The following SDK2 variants were observed in gnomAD, a reference collection of about 807,000 sequenced individuals.
SDK2 encodes the protein protein sidekick-2.
Under a neutral mutation model 253.9 loss-of-function variants are expected in SDK2, and 105 were observed. That is an observed-to-expected ratio of 0.41 (90% CI 0.35 to 0.49). The LOEUF (loss-of-function observed/expected upper bound fraction) is 0.49. Among genes scored for constraint, SDK2 ranks in the 20% least tolerant of loss-of-function variants. The probability of loss-of-function intolerance (pLI) is 0.06; values close to 1 mark genes in which losing one functional copy is unlikely to be tolerated. For missense variants in SDK2, 2,608 were observed against 3,003.0 expected, an observed-to-expected ratio of 0.87 and a Z score of 3.07; for synonymous variants, 1,249 against 1,234.9, an observed-to-expected ratio of 1.01 and a Z score of -0.24.
chr17:73,452,052 C>A (rs2063494124), intron 4 of SDK2, among the ~76,000 whole-genome samples: 2 of 152,142 alleles, frequency 1.3e-5, no homozygotes, highest in Middle Eastern at 3.4e-3. Context: ...TCCTGTTAAT[C>A]CAGGCCATTT....
chr17:73,633,772 A>T (rs998568232), intron 1 of SDK2, among the ~76,000 whole-genome samples: 1 of 152,242 alleles, frequency 6.6e-6, no homozygotes, highest in Non-Finnish European at 1.5e-5. Context: ...CAAAGTGCCC[A>T]GCGAGACATC....
Position 73,438,698 on chromosome 17 carries a change from G to A in SDK2, c.726-544C>T, listed in dbSNP as rs372140446. 1.3e-4 allele frequency among the ~76,000 whole-genome samples: 20 copies of A among 152,274 alleles called. 1 individual carries two copies. In the East Asian group the frequency reaches 3.5e-3, roughly 26 times the overall value. ...AACTGCAAGAGAAGAGCAAGGGTGT[G>A]AGTCTGGCCTGGCTTTCCACCATCA... On this transcript the variant is annotated intron_variant, in intron 6 of 44. Transcript: ENST00000392650.
At chr17:73,356,481 AT>A (rs2062593138) in intron 40 of SDK2, among the ~76,000 whole-genome samples, 1 of 152,166 alleles carries the variant, frequency 6.6e-6, no homozygotes, top group African/African-American at 2.4e-5. Flanking sequence ...CTCCTGGCTT[AT>A]AGAAAGGGGG....
In SDK2 at chr17:73,361,819, C is replaced by A; in HGVS notation, c.5332G>T (p.Val1778Leu). The stretch of plus-strand genomic sequence containing the variant: ...AGCCACAGGGGGCTGTTCCCCTTCA[C>A]GTCCACGGTCACGATCTTGCTGACT... ...DGVSKIVTVD[V>L]KGNSPLWLKV... Residue 1778 changes from valine (V) to leucine (L), a missense_variant, in exon 39 of 45, where the codon GTG becomes TTG. By Grantham distance (32) the Val-to-Leu change is conservative (BLOSUM62 1). This residue lies in a region of SDK2 where 1,103 missense variants were observed against 1,143.9 expected (regional missense o/e 0.96). Coordinates refer to ENST00000392650, the MANE Select transcript of SDK2 (RefSeq NM_001144952.2). This position sits in a 1 kb window ranked among gnomAD's most constrained non-coding sequence, Gnocchi z 4.1. The A allele has an allele frequency of 6.2e-7, 1 of 1,602,958 alleles. No individual in the cohort carries two copies. Among genetic ancestry groups the A allele is most frequent in the South Asian group, 1.1e-5 (1 of 89,014 alleles).
intron 2 of SDK2, among the ~76,000 whole-genome samples, chr17:73,478,172 G>A (rs1013377254): frequency 3.3e-5 from 5 of 152,192 alleles, no homozygotes; most frequent in Admixed American, 2.6e-4. Flanking sequence ...AAGCAAATAC[G>A]CATTTAGAAT....
Position 73,361,941 on chromosome 17 carries a change from G to T in SDK2, c.5306-96C>A, listed in dbSNP as rs1458039962. 15 of 1,271,580 alleles carry T rather than the reference G, an allele frequency of 1.2e-5. No individual in the cohort carries two copies. In the Admixed American group the frequency reaches 3.8e-4, roughly 32 times the overall value. 78.8% of individuals were successfully genotyped at this position (1,271,580 alleles called of 1,614,324 possible). On this transcript the variant is annotated intron_variant, in intron 38 of 44. Transcript: ENST00000392650. This position sits in a 1 kb window ranked among gnomAD's most constrained non-coding sequence, Gnocchi z 4.1. ...GAAGCGGCCGTGGCCTGGGCCCCGG[G>T]ACCCTGGGTAGGGGCCTCACTCCTT... is the stretch of plus-strand genomic sequence containing the variant.
At chr17:73,393,313 T>G (rs1361149074) in intron 27 of SDK2, among the ~76,000 whole-genome samples, 1 of 151,980 alleles carries the variant, frequency 6.6e-6, no homozygotes, top group Non-Finnish European at 1.5e-5. Context: ...ATGCTTGTTT[T>G]GCAGAGAGAC....
At chr17:73,622,980 C>T (rs1184571394) in intron 1 of SDK2, among the ~76,000 whole-genome samples, 1 of 152,228 alleles carries the variant, frequency 6.6e-6, no homozygotes, top group Non-Finnish European at 1.5e-5. Context: ...TAGGCCTCGG[C>T]CAGCCCTTGC....
At chr17:73,560,415 A>G (rs1567843355) in intron 1 of SDK2, among the ~76,000 whole-genome samples, 1 of 152,306 alleles carries the variant, frequency 6.6e-6, no homozygotes, top group East Asian at 1.9e-4. Flanking sequence ...ATCTTGGCTT[A>G]CTGCAACCTC....
Position 73,437,954 on chromosome 17 carries a change from CCT to C in SDK2, c.916+8_916+9del, listed in dbSNP as rs778840721. ...CTCAGGGGAGCCCTAGCAGCCCCAC[CCT>C]CTCTCACCCAGCACTGAGAGGTAGG... On this transcript the variant is annotated splice_region_variant and intron_variant, in intron 7 of 44. Transcript: ENST00000392650. The C allele has an allele frequency of 6.4e-7, 1 of 1,552,804 alleles. No homozygotes were observed. Among genetic ancestry groups the C allele is most frequent in the South Asian group, 1.2e-5 (1 of 84,736 alleles).
rs2291847 is a variant in SDK2 at position 73,398,304 on chromosome 17, G to A, written c.3203+16C>T. ...GCCCTGAGGCTGCTGCCTTCTCCCC[G>A]GGCCAGTCTCATTACCTGTAGCAGG... On this transcript the variant is annotated intron_variant, in intron 23 of 44. Coordinates refer to ENST00000392650, the MANE Select transcript of SDK2 (RefSeq NM_001144952.2). The A allele has an allele frequency of 0.054, 86,982 of 1,605,222 alleles. 2,937 individuals are homozygous for A. Among genetic ancestry groups the A allele is most frequent in the East Asian group, 0.12 (5,458 of 44,754 alleles).
intron 8 of SDK2, among the ~76,000 whole-genome samples, chr17:73,437,100 A>G (rs978473423): frequency 3.3e-5 from 5 of 152,296 alleles, no homozygotes; most frequent in South Asian, 2.1e-4. Flanking sequence ...AAGGGAAGTC[A>G]TTACTCATCC....
In SDK2 at chr17:73,435,070, G is replaced by C. The variant is rs1335187987; in HGVS notation, c.1195+380C>G. Among the ~76,000 whole-genome samples the C allele has an allele frequency of 6.6e-6, 1 of 152,198 alleles. No homozygotes were observed. Among genetic ancestry groups the C allele is most frequent in the Non-Finnish European group, 1.5e-5 (1 of 68,042 alleles). On this transcript the variant is annotated intron_variant, in intron 9 of 44. Coordinates refer to ENST00000392650, the MANE Select transcript of SDK2 (RefSeq NM_001144952.2). This position sits in a 1 kb window ranked among gnomAD's most constrained non-coding sequence, Gnocchi z 5.7. Reference sequence around the variant, plus strand: ...AGAAAAACACCAGTTTTCTTCTTTGGAAACATGAGCAGGTCTTCTGGAATG... The same window carrying C: ...AGAAAAACACCAGTTTTCTTCTTTGCAAACATGAGCAGGTCTTCTGGAATG...
chr17:73,381,881 A>C (rs190029856), intron 33 of SDK2, among the ~76,000 whole-genome samples: 344 of 151,182 alleles, frequency 2.3e-3, no homozygotes, highest in African/African-American at 7.9e-3. Context: ...GTGACAGAGC[A>C]AGACTCTGTC....
rs146088947 is a variant in SDK2, at chr17:73,383,968, C to T, written c.4613G>A (p.Arg1538Gln). The change falls in exon 33 of 45, where the codon CGG becomes CAG. Residue 1538 changes from arginine to glutamine, a missense_variant. Coordinates refer to ENST00000392650, the MANE Select transcript of SDK2 (RefSeq NM_001144952.2). The surrounding 1 kb of genome is among the most constrained non-coding windows in gnomAD (Gnocchi z 4.3). ...ATAGAGCAGCTCCCGGTATCGGATC[C>T]GGAAGCCCAGGAGGATGCCATTGAT... ...DKINGILLGF[R>Q]IRYRELLYEG... The T allele has an allele frequency of 2.9e-5, 46 of 1,613,784 alleles. No individual in the cohort carries two copies. The highest frequency in any genetic ancestry group is 3.3e-4 in the Middle Eastern group (2 of 6,084).
intron 44 of SDK2, among the ~76,000 whole-genome samples, chr17:73,346,845 T>C (rs1002308996): frequency 6.6e-6 from 1 of 152,166 alleles, no homozygotes; most frequent in Non-Finnish European, 1.5e-5. Flanking sequence ...TCATTTTTCC[T>C]GGCGGCTGAA....
intron 44 of SDK2, among the ~76,000 whole-genome samples, chr17:73,339,213 G>GTTTTTTTTGTTTT (rs1568356151): frequency 4.7e-5 from 6 of 127,670 alleles, no homozygotes; most frequent in Admixed American, 8.9e-5. Flanking sequence ...GAAGACCTGA[G>GTTTTTTTTGTTTT]TTTTTTTTTG....
intron 14 of SDK2, 113 bp from the exon 15 acceptor site, chr17:73,422,547 TC>T: frequency 8.0e-7 from 1 of 1,250,386 alleles, no homozygotes; most frequent in Non-Finnish European, 1.1e-6. Context: ...AGAGAGAGCC[TC>T]CCCAGCTTGG....
At chr17:73,529,163 G>A (rs187283156) in intron 1 of SDK2, among the ~76,000 whole-genome samples, 2 of 152,360 alleles carry the variant, frequency 1.3e-5, no homozygotes, top group African/African-American at 4.8e-5. Context: ...TGGGAAGAGA[G>A]GAGGTGGTTT....
Sources: allele counts gnomAD v4.1 joint callset (sites outside exome capture counted in the v4.1 genomes callset), GRCh38; gene constraint gnomAD v4.1.1; regional missense constraint gnomAD v4.1.1; non-coding constraint Gnocchi (gnomAD v3.1); transcripts MANE v1.5; gene names NCBI Gene and HGNC (gene_info 2026-07-23, HGNC 2026-07-21).